The following ADAMTSL1 variants were observed in gnomAD, a reference collection of about 807,000 sequenced individuals.
ADAMTSL1 encodes ADAMTS-like protein 1.
In ADAMTSL1, 126 loss-of-function variants were observed where a neutral mutation model predicts 201.8. The observed-to-expected ratio is 0.62, with a 90% CI of 0.54 to 0.72. The LOEUF is 0.72. Ranked by LOEUF, ADAMTSL1 falls within the 30% of genes least tolerant of loss-of-function variation. ADAMTSL1 has a pLI of 0.00. For missense variants in ADAMTSL1, 2,679 were observed against 2,277.8 expected (o/e 1.18, Z -3.59); for synonymous variants, 1,121 against 903.4 (o/e 1.24, Z -4.32).
intron 2 of ADAMTSL1, among the ~76,000 whole-genome samples, chr9:18,444,549 C>A (rs912831805): frequency 2.6e-5 from 4 of 152,108 alleles, no homozygotes; most frequent in African/African-American, 9.7e-5. Flanking sequence ...AGGATAAAAA[C>A]ATAAGGCTTG....
chr9:18,420,832 T>A (rs1431008479), intron 2 of ADAMTSL1, among the ~76,000 whole-genome samples: 2 of 152,158 alleles, frequency 1.3e-5, no homozygotes, highest in Non-Finnish European at 2.9e-5. Flanking sequence ...AAAAAAATAG[T>A]TTTTGTCTCG....
chr9:18,855,084 A>T (rs1490457276), intron 23 of ADAMTSL1, among the ~76,000 whole-genome samples: 3 of 152,144 alleles, frequency 2.0e-5, no homozygotes, highest in Non-Finnish European at 4.4e-5. Flanking sequence ...AAGAATTCTG[A>T]TATCTTGACC....
chr9:18,636,057 G>A, intron 6 of ADAMTSL1, 40 bp downstream of exon 6: 1 of 1,464,378 alleles, frequency 6.8e-7, no homozygotes, highest in Non-Finnish European at 9.3e-7. Context: ...ATTGGGAATT[G>A]TAGTCATTAT....
chr9:18,352,754 G>A (rs1232911829), intron 2 of ADAMTSL1, among the ~76,000 whole-genome samples: 1 of 152,060 alleles, frequency 6.6e-6, no homozygotes. Flanking sequence ...AATACACAGG[G>A]TACAAAAATT....
intron 1 of ADAMTSL1, among the ~76,000 whole-genome samples, chr9:17,984,270 T>C (rs1818834781): frequency 6.6e-6 from 1 of 152,090 alleles, no homozygotes; most frequent in Non-Finnish European, 1.5e-5. Context: ...AATTTCATAC[T>C]CTCAGCACCC....
intron 2 of ADAMTSL1, among the ~76,000 whole-genome samples, chr9:18,231,884 T>TACC (rs1587362020): frequency 1.3e-5 from 2 of 152,184 alleles, no homozygotes; most frequent in Non-Finnish European, 2.9e-5. Context: ...CCCTCAGTCT[T>TACC]ACCACCTTTA....
At chr9:18,690,523 T>C (rs1303554413) in intron 13 of ADAMTSL1, among the ~76,000 whole-genome samples, 1 of 152,220 alleles carries the variant, frequency 6.6e-6, no homozygotes, top group Admixed American at 6.5e-5. Flanking sequence ...ATGAATATCT[T>C]GTTTATGTGT....
intron 2 of ADAMTSL1, among the ~76,000 whole-genome samples, chr9:18,366,626 AATTTTTTTTTTTTTTTTT>A (rs1198370599): frequency 3.2e-5 from 4 of 125,338 alleles, no homozygotes; most frequent in South Asian, 2.5e-4. Flanking sequence ...TGAAATCACT[AATTTTTTTTTTTTTTTTT>A]TTTTTTTTTT....
At chr9:18,358,916 A>C (rs1023062887) in intron 2 of ADAMTSL1, among the ~76,000 whole-genome samples, 9 of 152,144 alleles carry the variant, frequency 5.9e-5, no homozygotes, top group African/African-American at 1.9e-4. Context: ...CATGCTAACT[A>C]GTAGCGATTA....
chr9:18,541,184 A>G (rs905014927), intron 3 of ADAMTSL1, among the ~76,000 whole-genome samples: 7 of 152,212 alleles, frequency 4.6e-5, no homozygotes, highest in South Asian at 2.1e-4. Context: ...GTCTGCATGC[A>G]TTCTGCATTT....
chr9:17,908,973 C>T lies in ADAMTSL1; in HGVS notation c.87+2051C>T, dbSNP rs552405319. 9.8e-4 allele frequency among the ~76,000 whole-genome samples: 149 copies of T among 151,518 alleles called. 1 individual carries two copies. Among genetic ancestry groups the T allele is most frequent in the Admixed American group, 2.2e-3 (33 of 15,214 alleles). ...GTGTTCCTATTTCTCCACATCCTCT[C>T]CAGCACCTGTTGTTTCCTGACTTTT... On this transcript the variant is annotated intron_variant, in intron 1 of 29. Transcript: ENST00000680146.
Position 18,428,446 on chromosome 9 carries a change from A to AG in ADAMTSL1, c.208-76383_208-76382insG, listed in dbSNP as rs796942959. On this transcript the variant is annotated intron_variant, in intron 2 of 29. Coordinates refer to the ADAMTSL1 transcript ENST00000680146. ...ACCCCTATGTCTACAAAAAAAAAAA[A>AG]AAAAGAAAAGAAAAGAAAAATTAAT... Among the ~76,000 whole-genome samples the AG allele has an allele frequency of 4.2e-4, 64 of 150,926 alleles. 1 individual carries two copies. Among genetic ancestry groups the AG allele is most frequent in the African/African-American group, 1.2e-3 (48 of 41,254 alleles).
chr9:18,474,382 T>C, intron 1 of ADAMTSL1, 87 bp downstream of exon 1: 1 of 1,278,570 alleles, frequency 7.8e-7, no homozygotes, highest in South Asian at 1.2e-5. Context: ...TGTTTGTGTG[T>C]GTGTGTGTGT....
rs1267696479 is a variant in ADAMTSL1, at chr9:18,134,011, T to C, written c.88-29851T>C. 2.6e-5 allele frequency among the ~76,000 whole-genome samples: 4 copies of C among 152,208 alleles called. No individual in the cohort carries two copies. In the East Asian group the frequency reaches 7.7e-4, roughly 29 times the overall value. Reference sequence around the variant, plus strand: ...AGATGGAATAACAGTAACATTATTGTACTGTTGAATAGTAAGGAATGAAAA... The same window carrying C: ...AGATGGAATAACAGTAACATTATTGCACTGTTGAATAGTAAGGAATGAAAA... On this transcript the variant is annotated intron_variant, in intron 1 of 29. Transcript: ENST00000680146.
chr9:18,572,984 G>A (rs13294711), intron 3 of ADAMTSL1, among the ~76,000 whole-genome samples: 39,303 of 152,008 alleles, frequency 0.26, 5,855 homozygotes, highest in Admixed American at 0.35. Flanking sequence ...CAAGGGATAG[G>A]CAATATTTGC....
At chr9:18,655,626 C>G (rs892573865) in intron 7 of ADAMTSL1, among the ~76,000 whole-genome samples, 1 of 151,438 alleles carries the variant, frequency 6.6e-6, no homozygotes, top group African/African-American at 2.4e-5. Context: ...TCTGCAAAAA[C>G]AAACAAAAAA....
intron 1 of ADAMTSL1, among the ~76,000 whole-genome samples, chr9:18,079,562 G>A (rs1823386734): frequency 6.6e-6 from 1 of 151,840 alleles, no homozygotes. Flanking sequence ...CACGCCTGTA[G>A]TCCCAGCTAC....
intron 2 of ADAMTSL1, among the ~76,000 whole-genome samples, chr9:18,329,516 A>G (rs1834949411): frequency 6.6e-6 from 1 of 152,196 alleles, no homozygotes; most frequent in African/African-American, 2.4e-5. Context: ...ATACTTTTAA[A>G]TGTTATGAAG....
intron 13 of ADAMTSL1, among the ~76,000 whole-genome samples, chr9:18,705,869 T>C (rs1364316398): frequency 6.6e-6 from 1 of 152,216 alleles, no homozygotes; most frequent in Non-Finnish European, 1.5e-5. Flanking sequence ...GCTATAAGAA[T>C]AGCCAGCAAC....
Sources: allele counts gnomAD v4.1 joint callset (sites outside exome capture counted in the v4.1 genomes callset), GRCh38; gene constraint gnomAD v4.1.1; transcripts MANE v1.5; gene names NCBI Gene and HGNC (gene_info 2026-07-23, HGNC 2026-07-21).